Variants in RGL1 observed in about 807,000 individuals in gnomAD.
RGL1 encodes ral guanine nucleotide dissociation stimulator-like 1.
RGL1 carries 24 observed loss-of-function variants against 95.2 expected under a neutral mutation model. The observed-to-expected ratio is 0.25, with a 90% CI of 0.18 to 0.35. The LOEUF is 0.35. RGL1 is among the 10% of genes least tolerant of loss of function. The pLI, the probability that RGL1 is intolerant of heterozygous loss-of-function variation, is 1.00. For synonymous variants in RGL1, 329 were observed against 344.9 expected, an observed-to-expected ratio of 0.95 and a Z score of 0.51; for missense variants, 715 against 936.3, an observed-to-expected ratio of 0.76 and a Z score of 3.08.
chr1:183,718,592 T>C (rs1394004981), intron 1 of RGL1, among the ~76,000 whole-genome samples: 1 of 152,170 alleles, frequency 6.6e-6, no homozygotes, highest in Non-Finnish European at 1.5e-5. Context: ...CTGGATCCAC[T>C]ACTACTGGTC....
chr1:183,895,113 C>T (rs534396467), intron 9 of RGL1, among the ~76,000 whole-genome samples: 2 of 152,224 alleles, frequency 1.3e-5, no homozygotes, highest in South Asian at 2.1e-4. Context: ...CTGATGGAGA[C>T]GTATGTTCAG....
At chr1:183,704,470 G>A (rs1436039011) in intron 1 of RGL1, among the ~76,000 whole-genome samples, 3 of 152,144 alleles carry the variant, frequency 2.0e-5, no homozygotes, top group Non-Finnish European at 4.4e-5. Context: ...ATAGTGTGTG[G>A]GGGGTGACAC....
chr1:183,770,172 A>C (rs1236630107), intron 2 of RGL1, among the ~76,000 whole-genome samples: 1 of 152,198 alleles, frequency 6.6e-6, no homozygotes, highest in Admixed American at 6.5e-5. Flanking sequence ...CTGCAAAAGG[A>C]AACTCCTTCA....
At chr1:183,652,916 C>A (rs934415052) in intron 1 of RGL1, among the ~76,000 whole-genome samples, 1 of 152,194 alleles carries the variant, frequency 6.6e-6, no homozygotes, top group Non-Finnish European at 1.5e-5. Context: ...TGAACCACAC[C>A]ATAAGGACAA....
In RGL1 at chr1:183,833,322, A is replaced by T. The variant is rs186584543; in HGVS notation, c.139-14244A>T. ...AATCAACTTCTCTGTTATCCCATCAATAAACCCTAGTCATCCTTGTTTTCA... is the reference window on the plus strand; with the variant it reads ...AATCAACTTCTCTGTTATCCCATCATTAAACCCTAGTCATCCTTGTTTTCA... On this transcript the variant is annotated intron_variant, in intron 2 of 17. Coordinates refer to ENST00000360851, the MANE Select transcript of RGL1 (RefSeq NM_001297671.3). Among the ~76,000 whole-genome samples the T allele has an allele frequency of 2.0e-5, 3 of 152,188 alleles. No individual in the cohort carries two copies. In the East Asian group the frequency reaches 5.8e-4, roughly 29 times the overall value.
At chr1:183,670,658 T>C (rs115753311) in intron 1 of RGL1, among the ~76,000 whole-genome samples, 1,637 of 152,320 alleles carry the variant, frequency 0.011, 31 homozygotes, top group African/African-American at 0.037. Context: ...CTCTCTGATA[T>C]TTGGGGCAGT....
intron 1 of RGL1, among the ~76,000 whole-genome samples, chr1:183,669,474 G>A (rs1237633096): frequency 1.3e-5 from 2 of 152,138 alleles, no homozygotes; most frequent in African/African-American, 4.8e-5. Context: ...TTCTGGTCTG[G>A]TAATTCTAGC....
chr1:183,764,590 A>C (rs1350051364), intron 2 of RGL1, among the ~76,000 whole-genome samples: 2 of 152,162 alleles, frequency 1.3e-5, no homozygotes, highest in Non-Finnish European at 2.9e-5. Flanking sequence ...CATCACTTCT[A>C]TGGGACAATT....
At chr1:183,869,040 C>T (rs993167962) in intron 4 of RGL1, among the ~76,000 whole-genome samples, 3 of 152,168 alleles carry the variant, frequency 2.0e-5, no homozygotes, top group Non-Finnish European at 4.4e-5. Flanking sequence ...ATTGCTTGAG[C>T]CTGGGAGGTT....
chr1:183,900,218 C>T lies in RGL1; in HGVS notation c.1299C>T (p.Ala433=), dbSNP rs1444622323. 5 of 1,613,748 alleles carry T rather than the reference C, an allele frequency of 3.1e-6. No homozygotes were observed. The highest frequency in any genetic ancestry group is 4.2e-6 in the Non-Finnish European group (5 of 1,179,792). The change falls in exon 11 of 18, where the codon GCC becomes GCT. Residue 433 remains alanine (A), a synonymous_variant. Transcript: ENST00000360851. ...FLTDLTMLDT[A]LQDYIEGGLI... ...CTGACCTGACCATGCTTGACACTGC[C>T]CTTCAGGACTACATCGAGGTGAGTT...
intron 4 of RGL1, among the ~76,000 whole-genome samples, chr1:183,877,360 A>G (rs191108344): frequency 1.2e-4 from 18 of 152,380 alleles, no homozygotes; most frequent in Admixed American, 5.2e-4. Flanking sequence ...GCCATTGGCC[A>G]GTAATCCTGT....
At chr1:183,815,361 A>G (rs1383458421) in intron 2 of RGL1, among the ~76,000 whole-genome samples, 4 of 152,188 alleles carry the variant, frequency 2.6e-5, no homozygotes, top group African/African-American at 9.7e-5. Context: ...TAATTGAAGC[A>G]TTTGGTTAGT....
intron 1 of RGL1, among the ~76,000 whole-genome samples, chr1:183,689,232 A>T (rs901905353): frequency 6.6e-6 from 1 of 152,176 alleles, no homozygotes; most frequent in African/African-American, 2.4e-5. Flanking sequence ...CATCTTAGTA[A>T]ATTAAAAAAT....
intron 1 of RGL1, among the ~76,000 whole-genome samples, chr1:183,657,325 A>G (rs925943672): frequency 4.6e-5 from 7 of 152,250 alleles, no homozygotes; most frequent in Non-Finnish European, 1.0e-4. Flanking sequence ...GTTTTAGGGT[A>G]CATGTGCACA....
At chr1:183,685,219 TAAC>T (rs906099668) in intron 1 of RGL1, among the ~76,000 whole-genome samples, 2 of 152,196 alleles carry the variant, frequency 1.3e-5, no homozygotes, top group African/African-American at 4.8e-5. Context: ...ATTTTGCTAA[TAAC>T]AAAGATTCTT....
At chr1:183,785,809 GTACAGTGGCT>G (rs1441388478) in intron 2 of RGL1, among the ~76,000 whole-genome samples, 2 of 152,186 alleles carry the variant, frequency 1.3e-5, no homozygotes, top group African/African-American at 2.4e-5. Flanking sequence ...TTTTGGCCAG[GTACAGTGGCT>G]TACACCTGTA....
intron 2 of RGL1, among the ~76,000 whole-genome samples, chr1:183,790,856 A>T (rs575146300): frequency 6.6e-6 from 1 of 152,234 alleles, no homozygotes; most frequent in South Asian, 2.1e-4. Flanking sequence ...AATGAAGGCC[A>T]GCCCACTCTA....
At chr1:183,866,309 A>G (rs1367207773) in intron 4 of RGL1, among the ~76,000 whole-genome samples, 2 of 152,178 alleles carry the variant, frequency 1.3e-5, no homozygotes, top group Middle Eastern at 6.3e-3. Flanking sequence ...AAGTGAAGAA[A>G]ACAAACGAAC....
At position 183,808,752 on chromosome 1, in the gene RGL1, T is replaced by C. The variant is rs553742832; in HGVS notation, c.138+2267T>C. 3.6e-4 allele frequency among the ~76,000 whole-genome samples: 54 copies of C among 151,304 alleles called. 1 individual carries two copies. In the Middle Eastern group the frequency reaches 0.024, roughly 67 times the overall value. ...AGGAAGGTGGTGTTGTGATGATCTC[T>C]CTCTCTCTCTTTTTTTTTTTTTTAA... On this transcript the variant is annotated intron_variant, in intron 2 of 17. Transcript: ENST00000360851.
Sources: gnomAD v4.1 joint callset for allele counts (sites outside exome capture counted in the v4.1 genomes callset) on GRCh38, gnomAD v4.1.1 for gene constraint, MANE v1.5 for transcripts, NCBI Gene and HGNC (gene_info 2026-07-23, HGNC 2026-07-21) for gene names.